The following PCDH15 variants were observed in gnomAD, a reference collection of about 807,000 sequenced individuals.
PCDH15 encodes protocadherin related 15.
PCDH15 carries 129 observed loss-of-function variants against 178.5 expected under a neutral mutation model. The ratio of observed to expected loss-of-function variants is 0.72; its 90% CI spans 0.63 to 0.84. PCDH15 has a LOEUF of 0.84. Ranked by LOEUF, PCDH15 falls within the 40% of genes least tolerant of loss-of-function variation. PCDH15 has a pLI of 0.00. For missense variants in PCDH15, 2,230 were observed against 2,099.9 expected (o/e 1.06, Z -1.21); for synonymous variants, 800 against 732.0 (o/e 1.09, Z -1.50).
At chr10:53,957,383 G>T (rs2087722446) in intron 23 of PCDH15, among the ~76,000 whole-genome samples, 1 of 152,090 alleles carries the variant, frequency 6.6e-6, no homozygotes, top group Admixed American at 6.5e-5. Context: ...CATGTTCAGA[G>T]AAGTTCTTCC....
At chr10:54,476,651 C>A (rs1170362384) in intron 3 of PCDH15, among the ~76,000 whole-genome samples, 1 of 152,048 alleles carries the variant, frequency 6.6e-6, no homozygotes, top group East Asian at 1.9e-4. Flanking sequence ...GGAGGAAAGA[C>A]AGAATTGTTT....
At chr10:55,554,633 T>C (rs1842056623) in intron 2 of PCDH15, among the ~76,000 whole-genome samples, 1 of 152,018 alleles carries the variant, frequency 6.6e-6, no homozygotes, top group Admixed American at 6.6e-5. Context: ...CAAATATTCC[T>C]ATATGTTGCT....
At chr10:54,237,412 T>C (rs1206919753) in intron 8 of PCDH15, among the ~76,000 whole-genome samples, 1 of 152,146 alleles carries the variant, frequency 6.6e-6, no homozygotes, top group Non-Finnish European at 1.5e-5. Context: ...GTCACATTAT[T>C]GCAAATTTCA....
rs557985589 is a variant in PCDH15, at chr10:55,271,028, A to T, written c.-156+48571T>A. 9.1e-4 allele frequency among the ~76,000 whole-genome samples: 139 copies of T among 152,238 alleles called. 1 individual carries two copies. Among genetic ancestry groups the T allele is most frequent in the Admixed American group, 2.3e-3 (35 of 15,298 alleles). ...GGAGGCCATAATCCTAAGCAAATTA[A>T]CACAAGAACAGAAAACCAAATACCA... On this transcript the variant is annotated intron_variant, in intron 1 of 5. Coordinates refer to the PCDH15 transcript ENST00000458638.
chr10:55,539,363 T>G (rs922923015), intron 2 of PCDH15, among the ~76,000 whole-genome samples: 1 of 152,030 alleles, frequency 6.6e-6, no homozygotes, highest in Non-Finnish European at 1.5e-5. Flanking sequence ...ATTATCATTA[T>G]GATCATCATC....
chr10:54,503,388 T>C (rs556170679), intron 3 of PCDH15, among the ~76,000 whole-genome samples: 1 of 149,984 alleles, frequency 6.7e-6, no homozygotes, highest in African/African-American at 2.4e-5. Context: ...AATTTAGAAG[T>C]AGGAAACAGT....
At chr10:55,332,806 G>A (rs746148788) in intron 2 of PCDH15, among the ~76,000 whole-genome samples, 35 of 152,110 alleles carry the variant, frequency 2.3e-4, no homozygotes, top group Non-Finnish European at 3.1e-4. Flanking sequence ...TGTAAGACAC[G>A]CCTTTCGCCT....
intron 2 of PCDH15, among the ~76,000 whole-genome samples, chr10:54,903,429 A>G (rs905966256): frequency 1.3e-5 from 2 of 152,182 alleles, no homozygotes; most frequent in African/African-American, 4.8e-5. Flanking sequence ...TCCAAAGTAT[A>G]ATAGCTAAGA....
intron 18 of PCDH15, among the ~76,000 whole-genome samples, chr10:54,025,189 T>C (rs551270037): frequency 7.1e-4 from 108 of 152,284 alleles, no homozygotes; most frequent in African/African-American, 2.4e-3. Flanking sequence ...AGGAAACATA[T>C]CTAAACATAT....
At chr10:54,468,921 T>A (rs1227783994) in intron 3 of PCDH15, among the ~76,000 whole-genome samples, 2 of 152,162 alleles carry the variant, frequency 1.3e-5, no homozygotes, top group African/African-American at 2.4e-5. Context: ...CTGCTGTTTT[T>A]GATTAAAATT....
intron 3 of PCDH15, among the ~76,000 whole-genome samples, chr10:54,441,106 A>G (rs1891377): frequency 0.49 from 74,022 of 151,712 alleles, 19,088 homozygotes; most frequent in Non-Finnish European, 0.57. Context: ...CATTTGCTAA[A>G]AGAGGGTTGC....
chr10:54,526,773 G>T (rs2083401476), intron 3 of PCDH15, among the ~76,000 whole-genome samples: 1 of 152,164 alleles, frequency 6.6e-6, no homozygotes, highest in Non-Finnish European at 1.5e-5. Flanking sequence ...TGATTTCACA[G>T]AATGTGTGGG....
At chr10:55,050,843 T>A (rs1241227066) in intron 2 of PCDH15, among the ~76,000 whole-genome samples, 1 of 152,086 alleles carries the variant, frequency 6.6e-6, no homozygotes, top group Non-Finnish European at 1.5e-5. Flanking sequence ...ATTCAAGAAC[T>A]TCTCATACTG....
chr10:54,412,943 A>G (rs1306876770), intron 3 of PCDH15, among the ~76,000 whole-genome samples: 2 of 152,284 alleles, frequency 1.3e-5, no homozygotes, highest in Admixed American at 6.5e-5. Flanking sequence ...TTGTGCTATC[A>G]TATTGCATGT....
intron 3 of PCDH15, among the ~76,000 whole-genome samples, chr10:54,408,405 T>C (rs968576929): frequency 6.6e-6 from 1 of 152,154 alleles, no homozygotes; most frequent in Non-Finnish European, 1.5e-5. Context: ...TATAATTGGG[T>C]GTAAAACCAA....
intron 2 of PCDH15, among the ~76,000 whole-genome samples, chr10:55,113,007 A>G (rs942489112): frequency 2.6e-5 from 4 of 152,084 alleles, no homozygotes; most frequent in African/African-American, 9.7e-5. Flanking sequence ...TGTCTCATCC[A>G]TTTCTTTGTT....
chr10:54,953,963 A>G (rs1838411743), intron 2 of PCDH15, among the ~76,000 whole-genome samples: 2 of 151,176 alleles, frequency 1.3e-5, no homozygotes, highest in Non-Finnish European at 3.0e-5. Flanking sequence ...TTTTTCTGGT[A>G]CTTTAAGTGT....
Position 54,242,183 on chromosome 10 carries a change from TATATACAC to T in PCDH15, c.877-5260_877-5253del, listed in dbSNP as rs1201718248. 4.9e-4 allele frequency among the ~76,000 whole-genome samples: 38 copies of T among 78,188 alleles called. 1 individual carries two copies. The highest frequency in any genetic ancestry group is 1.4e-3 in the African/African-American group (25 of 17,362). The allele number at this position is 78,188 out of a possible 152,430, so 51.3% of individuals were successfully genotyped here. A position where few individuals can be genotyped will look rare whatever the true frequency, so the allele number is the denominator to read the frequency against. On this transcript the variant is annotated intron_variant, in intron 8 of 37. Coordinates refer to ENST00000644397, the MANE Select transcript of PCDH15 (RefSeq NM_001384140.1). Reference sequence around the variant, plus strand: ...ATATATATATATATATATATATATATATATACACACACACACATACATACATACACATA... The same window carrying T: ...ATATATATATATATATATATATATATACACACACATACATACATACACATA...
intron 15 of PCDH15, among the ~76,000 whole-genome samples, chr10:54,120,315 T>G (rs2095193451): frequency 6.6e-6 from 1 of 152,090 alleles, no homozygotes; most frequent in Non-Finnish European, 1.5e-5. Context: ...AAAACATACT[T>G]AAGTACATAG....
Sources: allele counts gnomAD v4.1 joint callset (sites outside exome capture counted in the v4.1 genomes callset), GRCh38; gene constraint gnomAD v4.1.1; transcripts MANE v1.5; gene names NCBI Gene and HGNC (gene_info 2026-07-23, HGNC 2026-07-21).